FMNL2: variants seen among roughly 807,000 people sequenced by gnomAD.
FMNL2 encodes the protein formin-like protein 2.
A neutral mutation model predicts 130.2 loss-of-function variants in FMNL2; 51 were observed. The ratio of observed to expected loss-of-function variants is 0.39; its 90% confidence interval spans 0.31 to 0.49. FMNL2 has a LOEUF of 0.49. Among genes scored for constraint, FMNL2 ranks in the 20% least tolerant of loss-of-function variants. FMNL2 has a pLI of 0.85. For synonymous variants in FMNL2, 465 were observed against 467.1 expected, an observed-to-expected ratio of 1.00 and a Z score of 0.06; for missense variants, 977 against 1,316.2, an observed-to-expected ratio of 0.74 and a Z score of 3.99.
At chr2:152,433,182 C>T (rs957134913) in intron 1 of FMNL2, among the ~76,000 whole-genome samples, 23 of 152,212 alleles carry the variant, frequency 1.5e-4, no homozygotes, top group African/African-American at 4.6e-4. Context: ...GGCCCTGGAA[C>T]TAACTAATGA....
rs182064759 is a variant in FMNL2, at chr2:152,647,857, T to G, written c.3231T>G (p.Phe1077Leu). The stretch of plus-strand genomic sequence containing the variant: ...TGAGGAGAAGCGTCAGGCGGCGCTT[T>G]GATGATCAGAACTTGCGTTCTGTTA... Reference protein sequence around the residue: ...DAVRRSVRRRFDDQNLRSVNG... With the variant: ...DAVRRSVRRRLDDQNLRSVNG... The change falls in exon 26 of 26, where the codon TTT (phenylalanine) becomes TTG (leucine). Residue 1077 changes from phenylalanine to leucine, a missense_variant. This residue lies in a region of FMNL2 where 168 missense variants were observed against 168.8 expected (regional missense o/e 1.00). Transcript: ENST00000288670. The G allele has an allele frequency of 2.9e-3, 4,704 of 1,613,864 alleles. 11 individuals carry two copies. Among genetic ancestry groups the G allele is most frequent in the Non-Finnish European group, 3.7e-3 (4,357 of 1,179,836 alleles).
At chr2:152,477,492 C>T (rs1690218796) in intron 1 of FMNL2, among the ~76,000 whole-genome samples, 1 of 152,124 alleles carries the variant, frequency 6.6e-6, no homozygotes, top group African/African-American at 2.4e-5. Context: ...GTTTCTTCTT[C>T]CTTGATTTCC....
At chr2:152,568,223 T>TTTTTTTTG (rs1553478436) in intron 6 of FMNL2, among the ~76,000 whole-genome samples, 1 of 132,276 alleles carries the variant, frequency 7.6e-6, no homozygotes, top group African/African-American at 2.9e-5. Context: ...GGTGGGTTTT[T>TTTTTTTTG]TTTTTTTTTT....
In FMNL2 at chr2:152,390,697, AC is replaced by A; in HGVS notation, c.117+54978del. 8.0e-6 allele frequency: 6 copies of A among 745,558 alleles called. No individual in the cohort carries two copies. The East Asian group carries it at 1.5e-4, about 19-fold the overall frequency. The allele number at this position is 745,558 out of a possible 1,614,324, so 46.2% of individuals were successfully genotyped here. Reference sequence around the variant, plus strand: ...CTACAACCATCCAACCTTCTTTCCCACTCTTCTCTGGCCCTTGTGAGCCTCA... The same window carrying A: ...CTACAACCATCCAACCTTCTTTCCCATCTTCTCTGGCCCTTGTGAGCCTCA... On this transcript the variant is annotated intron_variant, in intron 1 of 25. Coordinates refer to ENST00000288670, the MANE Select transcript of FMNL2 (RefSeq NM_052905.4).
intron 20 of FMNL2, among the ~76,000 whole-genome samples, chr2:152,630,793 A>G (rs1214331640): frequency 2.6e-5 from 4 of 152,192 alleles, no homozygotes; most frequent in African/African-American, 4.8e-5. Flanking sequence ...AGGCACCTGC[A>G]TGCACCTGCT....
rs1360766344 is a variant in FMNL2, at chr2:152,619,492, T to C, written c.1628-17T>C. On this transcript the variant is annotated splice_polypyrimidine_tract_variant and intron_variant, in intron 14 of 25. Coordinates refer to ENST00000288670, the MANE Select transcript of FMNL2 (RefSeq NM_052905.4). Reference sequence around the variant, plus strand: ...CCCGTATTTTCAAAGTCCATCTGTTTCTTTTTTCTTTGCTAGTGCAAAATG... The same window carrying C: ...CCCGTATTTTCAAAGTCCATCTGTTCCTTTTTTCTTTGCTAGTGCAAAATG... 2 of 1,549,880 alleles carry C rather than the reference T, an allele frequency of 1.3e-6. No homozygotes were observed. Among genetic ancestry groups the C allele is most frequent in the Non-Finnish European group, 1.7e-6 (2 of 1,146,910 alleles).
intron 9 of FMNL2, among the ~76,000 whole-genome samples, chr2:152,604,787 G>A (rs1275090350): frequency 1.3e-5 from 2 of 151,942 alleles, no homozygotes; most frequent in Non-Finnish European, 2.9e-5. Context: ...GTACAGACGG[G>A]GTTTTACCAT....
At chr2:152,644,203 AGAGT>A (rs574454122) in intron 25 of FMNL2, among the ~76,000 whole-genome samples, 196 of 152,376 alleles carry the variant, frequency 1.3e-3, no homozygotes, top group African/African-American at 4.5e-3. Context: ...CCTCGGCAAC[AGAGT>A]GAGACCCTGT....
chr2:152,494,561 A>G (rs548195618), intron 1 of FMNL2, among the ~76,000 whole-genome samples: 26 of 152,322 alleles, frequency 1.7e-4, no homozygotes, highest in Admixed American at 1.1e-3. Context: ...ATAAACTGCT[A>G]CGAGTTTCTC....
rs1279842455 is a variant in FMNL2, at chr2:152,630,013, G to A, written c.2550+108G>A. The A allele has an allele frequency of 4.1e-6, 4 of 965,888 alleles. No individual in the cohort carries two copies. In the African/African-American group the frequency reaches 6.6e-5, roughly 16 times the overall value. The allele number at this position is 965,888 out of a possible 1,614,324, so 59.8% of individuals were successfully genotyped here. On this transcript the variant is annotated intron_variant, in intron 20 of 25. Transcript: ENST00000288670. ...TGATGAATATTTTCTGCTATGGGAG[G>A]ATCAACTGGTACTAATTTTCTGGAA... is the stretch of plus-strand genomic sequence containing the variant.
chr2:152,483,050 G>T (rs1486089674), intron 1 of FMNL2, among the ~76,000 whole-genome samples: 2 of 152,048 alleles, frequency 1.3e-5, no homozygotes, highest in Non-Finnish European at 2.9e-5. Flanking sequence ...CCCTTCCCAT[G>T]TAAAATTTTT....
chr2:152,523,417 T>G lies in FMNL2; in HGVS notation c.201+1391T>G, dbSNP rs550049997. On this transcript the variant is annotated intron_variant, in intron 2 of 25. Transcript: ENST00000288670. Reference sequence around the variant, plus strand: ...ACATGTGTTTTACCAACCTCATCCATGGCTTCATCTCATTATTCCTGCCTG... The same window carrying G: ...ACATGTGTTTTACCAACCTCATCCAGGGCTTCATCTCATTATTCCTGCCTG... Among the ~76,000 whole-genome samples, 5 of 152,306 alleles carry G rather than the reference T, an allele frequency of 3.3e-5. No individual in the cohort carries two copies. The South Asian group carries it at 8.3e-4, about 25-fold the overall frequency.
At chr2:152,500,594 A>G (rs933938283) in intron 1 of FMNL2, among the ~76,000 whole-genome samples, 4 of 152,216 alleles carry the variant, frequency 2.6e-5, no homozygotes, top group African/African-American at 4.8e-5. Flanking sequence ...TCACGCCTGT[A>G]ATCCTAGCAC....
chr2:152,589,999 A>ATGTGTATG (rs58850746), intron 9 of FMNL2, among the ~76,000 whole-genome samples: 3 of 115,938 alleles, frequency 2.6e-5, no homozygotes, highest in African/African-American at 9.7e-5. Flanking sequence ...ATGTATATGT[A>ATGTGTATG]TATATATATA....
intron 3 of FMNL2, among the ~76,000 whole-genome samples, chr2:152,543,516 T>C (rs956449469): frequency 1.3e-5 from 2 of 152,124 alleles, no homozygotes; most frequent in Admixed American, 6.6e-5. Context: ...AGCATTTGTT[T>C]TTCCATTGAC....
At chr2:152,433,449 T>C (rs1040375200) in intron 1 of FMNL2, among the ~76,000 whole-genome samples, 1 of 152,030 alleles carries the variant, frequency 6.6e-6, no homozygotes, top group Admixed American at 6.6e-5. Flanking sequence ...TTCTGGAGGA[T>C]AGAAAATCAA....
intron 9 of FMNL2, among the ~76,000 whole-genome samples, chr2:152,599,231 A>G (rs183998067): frequency 2.2e-4 from 33 of 152,240 alleles, no homozygotes; most frequent in African/African-American, 7.2e-4. Flanking sequence ...CATAAAGTTA[A>G]CCATTACAAG....
chr2:152,581,826 A>G (rs1696800570), intron 9 of FMNL2, among the ~76,000 whole-genome samples: 1 of 152,218 alleles, frequency 6.6e-6, no homozygotes, highest in Non-Finnish European at 1.5e-5. Flanking sequence ...AGGTTACAAT[A>G]GGACCCTTCG....
chr2:152,566,522 G>C (rs1170246896), intron 6 of FMNL2, among the ~76,000 whole-genome samples: 1 of 152,114 alleles, frequency 6.6e-6, no homozygotes, highest in African/African-American at 2.4e-5. Context: ...GCTTATCAAG[G>C]ATTGGAAAAA....
Sources: gnomAD v4.1 joint callset for allele counts (sites outside exome capture counted in the v4.1 genomes callset) on GRCh38, gnomAD v4.1.1 for gene constraint, gnomAD v4.1.1 regional missense constraint, MANE v1.5 for transcripts, NCBI Gene and HGNC (gene_info 2026-07-23, HGNC 2026-07-21) for gene names.